The following EXOC4 variants were observed in gnomAD, a reference collection of about 807,000 sequenced individuals.
EXOC4 encodes exocyst complex component 4.
In EXOC4, 71 loss-of-function variants were observed where a neutral mutation model predicts 107.2. The ratio of observed to expected loss-of-function variants is 0.66; its 90% CI spans 0.55 to 0.81. The LOEUF is 0.81. Among genes scored for constraint, EXOC4 ranks in the 30% least tolerant of loss-of-function variants. The pLI is 0.00. For missense variants in EXOC4, 1,108 were observed against 1,189.6 expected (o/e 0.93, Z 1.01); for synonymous variants, 456 against 441.2 (o/e 1.03, Z -0.42).
intron 14 of EXOC4, among the ~76,000 whole-genome samples, chr7:133,952,382 C>T (rs1247475346): frequency 2.6e-5 from 4 of 152,192 alleles, no homozygotes; most frequent in Non-Finnish European, 5.9e-5. Flanking sequence ...TGACAATGAT[C>T]TGGTTAGCTG....
intron 10 of EXOC4, among the ~76,000 whole-genome samples, chr7:133,720,385 T>C (rs889086115): frequency 2.0e-5 from 3 of 152,202 alleles, no homozygotes; most frequent in Admixed American, 6.5e-5. Context: ...TTAATGAATG[T>C]TGCGTATAAA....
rs117576056 is a variant in EXOC4, at chr7:134,002,016, A to C, written c.2349-2896A>C. ...GTGCTACTTCATTTAAATTTCAACC[A>C]CAGTAGCAATCAGTGTGCTAGTCAT... On this transcript the variant is annotated intron_variant, in intron 15 of 17. Transcript: ENST00000253861. 3.6e-3 allele frequency among the ~76,000 whole-genome samples: 545 copies of C among 152,338 alleles called. 2 individuals are homozygous for C. Among genetic ancestry groups the C allele is most frequent in the Non-Finnish European group, 4.7e-3 (319 of 68,032 alleles).
chr7:133,861,628 G>C (rs1798535571), intron 11 of EXOC4, among the ~76,000 whole-genome samples: 2 of 152,116 alleles, frequency 1.3e-5, no homozygotes, highest in Non-Finnish European at 1.5e-5. Context: ...TCTGCCTTCT[G>C]GGTTAAGTGA....
intron 10 of EXOC4, among the ~76,000 whole-genome samples, chr7:133,656,817 T>G (rs1803310846): frequency 6.6e-6 from 1 of 152,230 alleles, no homozygotes; most frequent in African/African-American, 2.4e-5. Flanking sequence ...TGTAGTGATT[T>G]GTGTGAAGTT....
In EXOC4 at chr7:134,064,404, G is replaced by T; in HGVS notation, c.2801G>T (p.Arg934Leu). The T allele has an allele frequency of 2.5e-6, 4 of 1,605,964 alleles. No homozygotes were observed. Among genetic ancestry groups the T allele is most frequent in the Non-Finnish European group, 3.4e-6 (4 of 1,175,592 alleles). Residue 934 changes from arginine to leucine, a missense_variant, in exon 18 of 18, where the codon CGC (arginine) becomes CTC (leucine). By Grantham distance (102) the Arg-to-Leu change is moderately radical (BLOSUM62 -2). Coordinates refer to ENST00000253861, the MANE Select transcript of EXOC4 (RefSeq NM_021807.4). ...ATCCACGCTCTGACCCTGCTGCACC[G>T]CAGCCAGACTGGGGTGGGGGAACTG... is the stretch of plus-strand genomic sequence containing the variant. The part of the protein sequence containing the change: ...EYIHALTLLH[R>L]SQTGVGELTT...
chr7:133,926,003 A>G (rs2116674895), intron 13 of EXOC4, among the ~76,000 whole-genome samples: 1 of 147,070 alleles, frequency 6.8e-6, no homozygotes, highest in Non-Finnish European at 1.5e-5. Context: ...TGCGCCACTG[A>G]CTGCACACCT....
chr7:133,435,660 G>C (rs1797954268), intron 7 of EXOC4, among the ~76,000 whole-genome samples: 1 of 152,114 alleles, frequency 6.6e-6, no homozygotes, highest in Admixed American at 6.5e-5. Flanking sequence ...TGTTAACAAT[G>C]GCAGTCAAAT....
intron 10 of EXOC4, among the ~76,000 whole-genome samples, chr7:133,746,606 C>T (rs1342398217): frequency 6.6e-6 from 1 of 152,160 alleles, no homozygotes; most frequent in African/African-American, 2.4e-5. Context: ...TCCAGTAAAA[C>T]TTGGCCTTGG....
At position 133,485,034 on chromosome 7, in the gene EXOC4, C is replaced by T. The variant is rs556086528; in HGVS notation, c.1417+4896C>T. Among the ~76,000 whole-genome samples the T allele has an allele frequency of 5.0e-5, 7 of 140,350 alleles. No homozygotes were observed. In the South Asian group the frequency reaches 8.6e-4, roughly 17 times the overall value. 92.1% of individuals were successfully genotyped at this position (140,350 alleles called of 152,430 possible). On this transcript the variant is annotated intron_variant, in intron 9 of 17. Transcript: ENST00000253861. ...GGTGGAGGTTGCAGTGAGCCGAGATCGCGCCACTGTACTCCAACCTGGGAG... is the reference window on the plus strand; with the variant it reads ...GGTGGAGGTTGCAGTGAGCCGAGATTGCGCCACTGTACTCCAACCTGGGAG...
chr7:134,008,955 G>A (rs1279937905), intron 17 of EXOC4, among the ~76,000 whole-genome samples: 1 of 151,996 alleles, frequency 6.6e-6, no homozygotes, highest in Non-Finnish European at 1.5e-5. Flanking sequence ...TAATGTTTTT[G>A]TACAATACAG....
At chr7:133,806,441 G>A (rs1797079476) in intron 10 of EXOC4, among the ~76,000 whole-genome samples, 1 of 152,208 alleles carries the variant, frequency 6.6e-6, no homozygotes, top group Non-Finnish European at 1.5e-5. Flanking sequence ...TGCAGGTCAG[G>A]AGCAAGAAGT....
rs1331917871 is a variant in EXOC4, at chr7:133,852,660, G to A, written c.1734+35116G>A. ...TTGTCTAAATATTCATAACCCAAGG[G>A]ATGATTGAAGTTTAATCAATAGTTT... is the stretch of plus-strand genomic sequence containing the variant. On this transcript the variant is annotated intron_variant, in intron 11 of 17. Transcript: ENST00000253861. Among the ~76,000 whole-genome samples the A allele has an allele frequency of 5.3e-5, 8 of 152,258 alleles. No individual in the cohort carries two copies. In the East Asian group the frequency reaches 1.5e-3, roughly 29 times the overall value.
chr7:133,971,361 T>TATATATATATATATAGAGAGAG (rs1489958236), intron 14 of EXOC4, among the ~76,000 whole-genome samples: 1 of 75,078 alleles, frequency 1.3e-5, no homozygotes, highest in Non-Finnish European at 2.4e-5. Context: ...TATATATATA[T>TATATATATATATATAGAGAGAG]AGAGAGAGAG....
intron 10 of EXOC4, among the ~76,000 whole-genome samples, chr7:133,659,456 C>T (rs954842337): frequency 1.3e-5 from 2 of 152,124 alleles, no homozygotes; most frequent in African/African-American, 4.8e-5. Context: ...GGAAAAATTA[C>T]TGGTTTTATA....
chr7:133,788,417 A>G (rs935735596), intron 10 of EXOC4, among the ~76,000 whole-genome samples: 6 of 151,212 alleles, frequency 4.0e-5, no homozygotes, highest in Admixed American at 6.6e-5. Flanking sequence ...TACTCCTCCT[A>G]TTGTCTTGGT....
intron 10 of EXOC4, among the ~76,000 whole-genome samples, chr7:133,718,740 T>C (rs1422364786): frequency 6.6e-6 from 1 of 152,130 alleles, no homozygotes; most frequent in Non-Finnish European, 1.5e-5. Context: ...AAAATAGCCA[T>C]GTAACACATG....
intron 9 of EXOC4, among the ~76,000 whole-genome samples, chr7:133,544,847 C>A (rs1207652708): frequency 1.5e-5 from 2 of 136,022 alleles, no homozygotes; most frequent in East Asian, 4.2e-4. Context: ...TTTTTTTTTT[C>A]CCCTGGTCAC....
chr7:133,685,574 T>C lies in EXOC4; in HGVS notation c.1514+55433T>C, dbSNP rs1297723670. ...TTCCCAATAACTTTAGAAATGAGAT[T>C]TCTGATTACAGAATATCAAATGTCT... On this transcript the variant is annotated intron_variant, in intron 10 of 17. Coordinates refer to ENST00000253861, the MANE Select transcript of EXOC4 (RefSeq NM_021807.4). Among the ~76,000 whole-genome samples the C allele has an allele frequency of 2.6e-5, 4 of 152,124 alleles. No homozygotes were observed. In the East Asian group the frequency reaches 7.7e-4, roughly 29 times the overall value.
At chr7:133,858,572 C>G (rs971589018) in intron 11 of EXOC4, among the ~76,000 whole-genome samples, 4 of 152,132 alleles carry the variant, frequency 2.6e-5, no homozygotes, top group African/African-American at 4.8e-5. Context: ...AGGGACCTGC[C>G]TCTTCTTGCC....
Sources: allele counts gnomAD v4.1 joint callset (sites outside exome capture counted in the v4.1 genomes callset), GRCh38; gene constraint gnomAD v4.1.1; transcripts MANE v1.5; gene names NCBI Gene and HGNC (gene_info 2026-07-23, HGNC 2026-07-21).